The following UNC13C variants were observed in gnomAD, a reference collection of about 807,000 sequenced individuals.
The protein encoded by UNC13C is protein unc-13 homolog C.
A neutral mutation model predicts 245.4 loss-of-function variants in UNC13C; 174 were observed. The observed-to-expected ratio is 0.71, with a 90% CI of 0.63 to 0.80. The LOEUF (loss-of-function observed/expected upper bound fraction) is 0.80. Among genes scored for constraint, UNC13C ranks in the 30% least tolerant of loss-of-function variants. The pLI, the probability that UNC13C is intolerant of heterozygous loss-of-function variation, is 0.00. For synonymous variants in UNC13C, 992 were observed against 895.1 expected (o/e 1.11, Z -1.93); for missense variants, 2,829 against 2,602.9 (o/e 1.09, Z -1.89).
intron 17 of UNC13C, among the ~76,000 whole-genome samples, chr15:54,384,051 A>T (rs2039783895): frequency 6.6e-6 from 1 of 152,160 alleles, no homozygotes; most frequent in Non-Finnish European, 1.5e-5. Flanking sequence ...CATGAATCAG[A>T]AGAATTAATA....
intron 4 of UNC13C, among the ~76,000 whole-genome samples, chr15:54,162,299 C>G (rs910519430): frequency 1.3e-5 from 2 of 152,108 alleles, no homozygotes; most frequent in Admixed American, 1.3e-4. Context: ...CTGGTTCACT[C>G]TACTGCTGGT....
At chr15:53,914,970 C>A in the UNC13C span, among the ~76,000 whole-genome samples, 2 of 152,142 alleles carry the variant, frequency 1.3e-5, no homozygotes, top group African/African-American at 4.8e-5. Flanking sequence ...GAGGGAGCTG[C>A]CTTCAATACC....
chr15:53,859,935 A>T, the UNC13C span, among the ~76,000 whole-genome samples: 5 of 152,222 alleles, frequency 3.3e-5, no homozygotes, highest in East Asian at 9.7e-4. Context: ...AGGGTGAGAA[A>T]TATCTGCACT....
the UNC13C span, among the ~76,000 whole-genome samples, chr15:53,896,066 T>C: frequency 7.6e-6 from 1 of 131,874 alleles, no homozygotes; most frequent in Non-Finnish European, 1.6e-5. Context: ...TTAAATATGC[T>C]AATGTCCATT....
chr15:54,542,105 C>T (rs933311336), intron 26 of UNC13C, among the ~76,000 whole-genome samples: 4 of 151,660 alleles, frequency 2.6e-5, no homozygotes, highest in African/African-American at 7.3e-5. Context: ...CCTAGGTGAC[C>T]GATATCAGAA....
chr15:53,926,344 T>A, the UNC13C span, among the ~76,000 whole-genome samples: 3 of 152,302 alleles, frequency 2.0e-5, no homozygotes, highest in East Asian at 5.8e-4. Flanking sequence ...AACCACTTGA[T>A]TTTTGAAACC....
chr15:54,408,214 A>AC (rs1162978376), intron 18 of UNC13C, among the ~76,000 whole-genome samples: 3 of 146,690 alleles, frequency 2.0e-5, no homozygotes, highest in East Asian at 2.0e-4. Flanking sequence ...AAAAAAAAAA[A>AC]AAAAAAAAAA....
intron 17 of UNC13C, among the ~76,000 whole-genome samples, chr15:54,353,045 A>G (rs530080373): frequency 6.6e-6 from 1 of 152,288 alleles, no homozygotes; most frequent in East Asian, 1.9e-4. Context: ...TCTGTCTCAT[A>G]CAGGAAAAAG....
At chr15:54,450,084 A>C (rs548314937) in intron 19 of UNC13C, among the ~76,000 whole-genome samples, 3 of 152,218 alleles carry the variant, frequency 2.0e-5, no homozygotes, top group Non-Finnish European at 4.4e-5. Flanking sequence ...GCTGCAGAAC[A>C]GTGAATATTG....
the UNC13C span, among the ~76,000 whole-genome samples, chr15:53,933,267 C>T: frequency 4.6e-5 from 7 of 152,098 alleles, no homozygotes; most frequent in East Asian, 7.7e-4. Context: ...ACTTTGTGGC[C>T]CTGCTTAATA....
At chr15:54,031,842 A>G (rs1896371012) in intron 2 of UNC13C, among the ~76,000 whole-genome samples, 1 of 152,248 alleles carries the variant, frequency 6.6e-6, no homozygotes, top group Admixed American at 6.5e-5. Flanking sequence ...TCTGCTTAAC[A>G]TGGTCATGTT....
At chr15:54,616,937 G>T (rs1228617177) in intron 30 of UNC13C, among the ~76,000 whole-genome samples, 1 of 151,920 alleles carries the variant, frequency 6.6e-6, no homozygotes, top group Non-Finnish European at 1.5e-5. Context: ...TCTATGTTTA[G>T]CTATGTTTAG....
At chr15:54,605,862 T>C (rs1380205778) in intron 30 of UNC13C, among the ~76,000 whole-genome samples, 2 of 152,210 alleles carry the variant, frequency 1.3e-5, no homozygotes, top group Non-Finnish European at 2.9e-5. Context: ...ACATCATTCA[T>C]GGACATTAGG....
At chr15:54,366,717 T>G (rs1177666102) in intron 17 of UNC13C, among the ~76,000 whole-genome samples, 1 of 152,142 alleles carries the variant, frequency 6.6e-6, no homozygotes, top group Non-Finnish European at 1.5e-5. Flanking sequence ...AAAAAAGAGC[T>G]CTCAGTGATT....
At chr15:54,379,948 T>C (rs2039687110) in intron 17 of UNC13C, among the ~76,000 whole-genome samples, 1 of 152,196 alleles carries the variant, frequency 6.6e-6, no homozygotes, top group Non-Finnish European at 1.5e-5. Flanking sequence ...TCTAGCTAAT[T>C]GATATATACA....
intron 1 of UNC13C, among the ~76,000 whole-genome samples, chr15:53,983,187 A>G (rs1338395233): frequency 6.6e-6 from 1 of 152,124 alleles, no homozygotes; most frequent in Non-Finnish European, 1.5e-5. Context: ...GCATTAGGAT[A>G]CTTAGCTGCT....
chr15:54,103,970 C>G (rs1567016666), intron 2 of UNC13C, among the ~76,000 whole-genome samples: 1 of 151,890 alleles, frequency 6.6e-6, no homozygotes, highest in Non-Finnish European at 1.5e-5. Context: ...GTCTCAATCT[C>G]TTGACCTCGT....
chr15:54,157,458 A>G (rs914142743), intron 4 of UNC13C, among the ~76,000 whole-genome samples: 14 of 152,200 alleles, frequency 9.2e-5, no homozygotes, highest in Non-Finnish European at 1.6e-4. Context: ...TAATAGTTTA[A>G]TAATACATTA....
the UNC13C span, among the ~76,000 whole-genome samples, chr15:53,966,455 T>C: frequency 4.2e-3 from 636 of 152,138 alleles, 2 homozygotes; most frequent in African/African-American, 0.015. Flanking sequence ...ATTCCTTGAG[T>C]TTTTAAATGT....
Sources: allele counts gnomAD v4.1 joint callset (sites outside exome capture counted in the v4.1 genomes callset), GRCh38; gene constraint gnomAD v4.1.1; transcripts MANE v1.5; gene names NCBI Gene and HGNC (gene_info 2026-07-23, HGNC 2026-07-21).